Variants in TSPAN2 observed in about 807,000 individuals in gnomAD.
TSPAN2 encodes tetraspanin 2.
In TSPAN2, 24 loss-of-function variants were observed where a neutral mutation model predicts 33.3. That is an observed-to-expected ratio of 0.72 (90% CI 0.52 to 1.01). The LOEUF is 1.01. Among genes scored for constraint, TSPAN2 ranks in the 50% least tolerant of loss-of-function variants. TSPAN2 has a pLI of 0.00. For missense variants in TSPAN2, 278 were observed against 281.3 expected, an observed-to-expected ratio of 0.99 and a Z score of 0.08; for synonymous variants, 114 against 104.5, an observed-to-expected ratio of 1.09 and a Z score of -0.56.
intron 1 of TSPAN2, 141 bp downstream of exon 1, chr1:115,089,223 T>G (rs1648959860): frequency 5.1e-6 from 3 of 584,210 alleles, no homozygotes; most frequent in Non-Finnish European, 8.5e-6. Context: ...TTTGTTTGCC[T>G]TCTCCTCGCC....
At chr1:115,079,632 A>G (rs1190082520) in intron 1 of TSPAN2, among the ~76,000 whole-genome samples, 1 of 152,222 alleles carries the variant, frequency 6.6e-6, no homozygotes, top group Non-Finnish European at 1.5e-5. Flanking sequence ...GCCATATGAC[A>G]TCTATGTCAA....
chr1:115,059,032 C>T, intron 4 of TSPAN2, 51 bp from the exon 5 acceptor site: 5 of 1,392,148 alleles, frequency 3.6e-6, no homozygotes, highest in Non-Finnish European at 5.1e-6. Context: ...AAGTTTCAAA[C>T]ATTCTCCTTT....
chr1:115,087,571 G>C (rs567885065), intron 1 of TSPAN2, among the ~76,000 whole-genome samples: 2 of 149,262 alleles, frequency 1.3e-5, no homozygotes, highest in African/African-American at 2.5e-5. Context: ...AGTGGAGATC[G>C]GGCCACTGCA....
chr1:115,087,430 A>G (rs1648881558), intron 1 of TSPAN2, among the ~76,000 whole-genome samples: 1 of 151,708 alleles, frequency 6.6e-6, no homozygotes, highest in Admixed American at 6.6e-5. Context: ...CCTGGCTAAC[A>G]CGGTAAAATC....
chr1:115,064,969 A>G (rs1648554686), intron 2 of TSPAN2, among the ~76,000 whole-genome samples: 1 of 152,164 alleles, frequency 6.6e-6, no homozygotes, highest in African/African-American at 2.4e-5. Flanking sequence ...TGAAATAATG[A>G]GCTTTTCAGG....
intron 1 of TSPAN2, among the ~76,000 whole-genome samples, chr1:115,076,255 G>C (rs4839023): frequency 0.27 from 40,983 of 152,038 alleles, 5,673 homozygotes; most frequent in East Asian, 0.41. Flanking sequence ...TCCTTACCTC[G>C]ATGCTGTGTT....
chr1:115,079,431 T>C (rs1648541171), intron 1 of TSPAN2, among the ~76,000 whole-genome samples: 1 of 152,168 alleles, frequency 6.6e-6, no homozygotes, highest in Admixed American at 6.5e-5. Context: ...ACCTTAAGGG[T>C]AATGGAGTCT....
At chr1:115,056,893 G>A (rs193043021) in intron 6 of TSPAN2, among the ~76,000 whole-genome samples, 3 of 152,084 alleles carry the variant, frequency 2.0e-5, no homozygotes, top group East Asian at 1.9e-4. Context: ...TCCCCTTCCC[G>A]TGCTGTCTCC....
Position 115,089,501 on chromosome 1 carries a change from G to A in TSPAN2, c.-69C>T, listed in dbSNP as rs542616098. 2.4e-3 allele frequency: 2,949 copies of A among 1,229,826 alleles called. 18 individuals carry two copies. The highest frequency in any genetic ancestry group is 7.3e-3 in the Middle Eastern group (25 of 3,414). The allele number at this position is 1,229,826 out of a possible 1,614,324, so 76.2% of individuals were successfully genotyped here. On this transcript the variant is annotated 5_prime_UTR_variant, in exon 1 of 8. Transcript: ENST00000369516. ...ACGAGCGCGGGGAGCGGCAGGCTCC[G>A]GCGGGGAGGGGGCGGAGCGGGGAGG...
chr1:115,052,483 C>T (rs1647213406), intron 7 of TSPAN2, among the ~76,000 whole-genome samples: 1 of 152,206 alleles, frequency 6.6e-6, no homozygotes, highest in African/African-American at 2.4e-5. Flanking sequence ...CCTCTATCCT[C>T]TACCACAGGT....
chr1:115,083,293 T>C (rs1197153855), intron 1 of TSPAN2, among the ~76,000 whole-genome samples: 1 of 152,214 alleles, frequency 6.6e-6, no homozygotes, highest in African/African-American at 2.4e-5. Flanking sequence ...CCAAAGACAC[T>C]TCATGGCTGA....
intron 1 of TSPAN2, among the ~76,000 whole-genome samples, chr1:115,082,749 G>A (rs1182177040): frequency 1.3e-5 from 2 of 152,116 alleles, no homozygotes; most frequent in African/African-American, 2.4e-5. Flanking sequence ...ATCTGACACT[G>A]AATATAATCT....
At chr1:115,064,763 T>C (rs1159522297) in intron 2 of TSPAN2, among the ~76,000 whole-genome samples, 2 of 152,158 alleles carry the variant, frequency 1.3e-5, no homozygotes, top group South Asian at 2.1e-4. Flanking sequence ...AGCAACTACA[T>C]AGCTGTGCTC....
chr1:115,066,944 G>C (rs1295632224), intron 2 of TSPAN2, among the ~76,000 whole-genome samples: 1 of 152,136 alleles, frequency 6.6e-6, no homozygotes, highest in Non-Finnish European at 1.5e-5. Context: ...TTTTGGATGT[G>C]GGGGAATTTT....
chr1:115,070,667 C>T (rs1435641082), intron 2 of TSPAN2, among the ~76,000 whole-genome samples: 1 of 151,986 alleles, frequency 6.6e-6, no homozygotes, highest in East Asian at 1.9e-4. Flanking sequence ...TTCCCCTCAG[C>T]CTTTCTAGTC....
chr1:115,058,058 G>T (rs191873234), intron 5 of TSPAN2, among the ~76,000 whole-genome samples: 4 of 152,310 alleles, frequency 2.6e-5, no homozygotes, highest in Admixed American at 2.0e-4. Context: ...CAAAAGACCA[G>T]ATTTGAAGAT....
chr1:115,056,108 C>T (rs1470346292), intron 6 of TSPAN2, among the ~76,000 whole-genome samples: 2 of 152,148 alleles, frequency 1.3e-5, no homozygotes, highest in Admixed American at 6.5e-5. Context: ...CACGACATCA[C>T]GTTTACCAAA....
rs1020361344 is a variant in TSPAN2, at chr1:115,089,081, G to T, written c.69+283C>A. 3.3e-5 allele frequency among the ~76,000 whole-genome samples: 5 copies of T among 152,156 alleles called. 1 individual carries two copies. The highest frequency in any genetic ancestry group is 4.1e-4 in the South Asian group (2 of 4,834). ...GTCCCCGCACCTGGGGTCACTAGCT[G>T]GGAGATAAAAACCAAGGCAGGTGGG... On this transcript the variant is annotated intron_variant, in intron 1 of 7. Coordinates refer to ENST00000369516, the MANE Select transcript of TSPAN2 (RefSeq NM_005725.6).
intron 1 of TSPAN2, among the ~76,000 whole-genome samples, chr1:115,086,042 A>C (rs1353877269): frequency 2.0e-5 from 3 of 152,238 alleles, no homozygotes; most frequent in African/African-American, 7.2e-5. Context: ...ACAAATGGCA[A>C]GTCACTTGGC....
Sources: allele counts gnomAD v4.1 joint callset (sites outside exome capture counted in the v4.1 genomes callset), GRCh38; gene constraint gnomAD v4.1.1; transcripts MANE v1.5; gene names NCBI Gene and HGNC (gene_info 2026-07-23, HGNC 2026-07-21).